The following CCM2 variants were observed in gnomAD, a reference collection of about 807,000 sequenced individuals.
The protein encoded by CCM2 is cerebral cavernous malformations 2 protein.
Under a neutral mutation model 44.9 loss-of-function variants are expected in CCM2, and 25 were observed. The ratio of observed to expected loss-of-function variants is 0.56; its 90% CI spans 0.41 to 0.78. CCM2 has a LOEUF of 0.78. Ranked by LOEUF, CCM2 falls within the 30% of genes least tolerant of loss-of-function variation. The pLI is 0.00. For missense variants in CCM2, 481 were observed against 580.6 expected, an observed-to-expected ratio of 0.83 and a Z score of 1.76; for synonymous variants, 219 against 241.1, an observed-to-expected ratio of 0.91 and a Z score of 0.85.
chr7:45,076,454 T>C (rs1469823181), downstream of CCM2: 3 of 363,638 alleles, frequency 8.2e-6, no homozygotes, highest in East Asian at 7.2e-5. Context: ...AATAATTTAA[T>C]CTCTGGTTGC....
chr7:45,060,907 TC>T (rs1002296666), intron 2 of CCM2, among the ~76,000 whole-genome samples: 2 of 152,160 alleles, frequency 1.3e-5, no homozygotes, highest in African/African-American at 4.8e-5. Flanking sequence ...ATCTGGTAGT[TC>T]CAAAATCTCC....
chr7:45,062,978 C>T (rs186867131), intron 2 of CCM2: 1 of 152,216 alleles, frequency 6.6e-6, no homozygotes, highest in African/African-American at 2.4e-5. Flanking sequence ...ATCCTTTCAT[C>T]AGGAACCTGC....
At chr7:45,017,813 TTGTTC>T (rs1381310447) in intron 1 of CCM2, among the ~76,000 whole-genome samples, 1 of 152,228 alleles carries the variant, frequency 6.6e-6, no homozygotes, top group African/African-American at 2.4e-5. Flanking sequence ...AAAACAGGCT[TTGTTC>T]AGTCAGTTGG....
At chr7:45,059,122 C>G (rs1215275848) in intron 2 of CCM2, among the ~76,000 whole-genome samples, 1 of 152,056 alleles carries the variant, frequency 6.6e-6, no homozygotes, top group African/African-American at 2.4e-5. Flanking sequence ...CTCAGGTGAT[C>G]CACCCATCTT....
chr7:45,044,016 C>T (rs1797636216), intron 2 of CCM2, among the ~76,000 whole-genome samples: 1 of 152,142 alleles, frequency 6.6e-6, no homozygotes. Context: ...AGTTCTTCTC[C>T]CTCCAGAATT....
chr7:45,018,959 C>T lies in CCM2; in HGVS notation c.30+18596C>T, dbSNP rs192663796. 5.0e-3 allele frequency among the ~76,000 whole-genome samples: 762 copies of T among 151,356 alleles called. 3 individuals are homozygous for T. Among genetic ancestry groups the T allele is most frequent in the Non-Finnish European group, 8.4e-3 (573 of 67,882 alleles). On this transcript the variant is annotated intron_variant, in intron 1 of 9. Transcript: ENST00000258781. ...ATTTTTAATAGAAATGTGGTTTTGC[C>T]ATGTTGACCAGGCTGGTCTCGAACT...
chr7:45,064,537 G>C lies in CCM2; in HGVS notation c.363G>C (p.Lys121Asn), dbSNP rs1259183963. The change falls in exon 4 of 10, where the codon AAG becomes AAC. Residue 121 changes from lysine to asparagine, a missense_variant. Transcript: ENST00000258781. ...AVLSLSAYNV[K>N]LAWRDGEDII... ...TCAGCCTGTCTGCGTACAACGTCAA[G>C]CTGGCCTGGAGGGACGGGGAGGATA... is the stretch of plus-strand genomic sequence containing the variant. 1 of 1,613,998 alleles carries C rather than the reference G, an allele frequency of 6.2e-7. No individual in the cohort carries two copies. The highest frequency in any genetic ancestry group is 1.7e-5 in the Admixed American group (1 of 60,014).
Position 45,076,174 on chromosome 7 carries a change from T to G in CCM2, c.*117T>G. On this transcript the variant is annotated 3_prime_UTR_variant, in exon 10 of 10. Transcript: ENST00000258781. ...GTGGTGGCCAGGGAGAGGCGCCCGG[T>G]GCAGATGGCCCCGGGCGGCCCAGGT... 1 of 1,458,754 alleles carries G rather than the reference T, an allele frequency of 6.9e-7. No individual in the cohort carries two copies. Among genetic ancestry groups the G allele is most frequent in the Non-Finnish European group, 9.3e-7 (1 of 1,071,402 alleles). 90.4% of individuals were successfully genotyped at this position (1,458,754 alleles called of 1,614,324 possible).
intron 2 of CCM2, among the ~76,000 whole-genome samples, chr7:45,051,405 A>G (rs62458146): frequency 0.13 from 20,187 of 151,614 alleles, 1,608 homozygotes; most frequent in Middle Eastern, 0.23. Context: ...TTATTTATTT[A>G]TTTATTTATT....
chr7:45,005,044 T>C (rs1583829915), intron 1 of CCM2, among the ~76,000 whole-genome samples: 1 of 151,596 alleles, frequency 6.6e-6, no homozygotes, highest in East Asian at 1.9e-4. Flanking sequence ...ACCGATTCTA[T>C]AACTGTCACA....
chr7:45,029,797 G>A (rs1796872512), intron 1 of CCM2, among the ~76,000 whole-genome samples: 1 of 152,200 alleles, frequency 6.6e-6, no homozygotes, highest in Non-Finnish European at 1.5e-5. Flanking sequence ...TGTGTGAGGA[G>A]GGCATTCTCA....
chr7:45,073,078 C>T, intron 7 of CCM2: 1 of 590,026 alleles, frequency 1.7e-6, no homozygotes, highest in South Asian at 2.0e-5. Flanking sequence ...CCCGAGCCTG[C>T]CGAGGCGCTG....
At chr7:45,064,406 G>A (rs1036193357) in intron 3 of CCM2, 57 bp from the exon 4 acceptor site, 9 of 1,556,332 alleles carry the variant, frequency 5.8e-6, no homozygotes, top group Admixed American at 5.0e-5. Context: ...CAGGAGAAGC[G>A]CCCCATGCCG....
intron 1 of CCM2, among the ~76,000 whole-genome samples, chr7:45,001,584 C>T (rs1280625139): frequency 2.9e-4 from 44 of 152,228 alleles, no homozygotes; most frequent in Non-Finnish European, 1.5e-5. Flanking sequence ...GAGCCATGTG[C>T]TCTGTGGAAT....
intron 1 of CCM2, among the ~76,000 whole-genome samples, chr7:45,024,925 G>T (rs1345254895): frequency 6.6e-6 from 1 of 152,154 alleles, no homozygotes; most frequent in Non-Finnish European, 1.5e-5. Flanking sequence ...GTTCATCGTT[G>T]TTGTCTTCTG....
intron 1 of CCM2, among the ~76,000 whole-genome samples, chr7:45,017,652 G>A (rs4720491): frequency 0.87 from 132,006 of 152,208 alleles, 57,561 homozygotes; most frequent in African/African-American, 0.96. Flanking sequence ...CTTCATGAAC[G>A]CATGTAATTT....
intron 3 of CCM2, 51 bp downstream of exon 3, chr7:45,064,052 C>T: frequency 7.6e-7 from 1 of 1,319,054 alleles, no homozygotes; most frequent in Non-Finnish European, 1.1e-6. Context: ...CCCACCAGCC[C>T]TTGGTCCCTG....
chr7:45,008,356 C>CTTTTTT (rs59435094), intron 1 of CCM2, among the ~76,000 whole-genome samples: 1 of 114,776 alleles, frequency 8.7e-6, no homozygotes, highest in Non-Finnish European at 1.7e-5. Context: ...GGTACATGTT[C>CTTTTTT]TTTTTTTTTT....
At chr7:45,075,734 G>A (rs1397845669) in intron 9 of CCM2, 43 bp from the exon 10 acceptor site, 1 of 1,612,740 alleles carries the variant, frequency 6.2e-7, no homozygotes, top group Admixed American at 1.7e-5. Flanking sequence ...TGAGTGGGCT[G>A]AGCCGAACTG....
Sources: gnomAD v4.1 joint callset for allele counts (sites outside exome capture counted in the v4.1 genomes callset) on GRCh38, gnomAD v4.1.1 for gene constraint, MANE v1.5 for transcripts, NCBI Gene and HGNC (gene_info 2026-07-23, HGNC 2026-07-21) for gene names.